ITGB3BP: variants seen among roughly 807,000 people sequenced by gnomAD.
ITGB3BP encodes integrin subunit beta 3 binding protein, also known as centromere protein R.
In ITGB3BP, 27 loss-of-function variants were observed where a neutral mutation model predicts 29.1. That is an observed-to-expected ratio of 0.93 (90% CI 0.68 to 1.28). The LOEUF is 1.28. Ranked by LOEUF, ITGB3BP falls within the 50% of genes most tolerant of loss-of-function variation. The probability of loss-of-function intolerance (pLI) is 0.00; values close to 1 mark genes in which losing one functional copy is unlikely to be tolerated. For synonymous variants in ITGB3BP, 61 were observed against 61.4 expected (o/e 0.99, Z 0.03); for missense variants, 192 against 200.2 (o/e 0.96, Z 0.25).
At chr1:63,503,392 T>C (rs1335424272) in intron 2 of ITGB3BP, among the ~76,000 whole-genome samples, 1 of 152,012 alleles carries the variant, frequency 6.6e-6, no homozygotes, top group East Asian at 1.9e-4. Flanking sequence ...TTTGAGTTCA[T>C]TGTAGATTCT....
At chr1:63,472,990 G>T (rs1334547371) in intron 4 of ITGB3BP, among the ~76,000 whole-genome samples, 1 of 151,490 alleles carries the variant, frequency 6.6e-6, no homozygotes, top group Non-Finnish European at 1.5e-5. Flanking sequence ...GGAAAGTGAG[G>T]AGCGTCTCTG....
chr1:63,475,652 A>T (rs1263953688), intron 4 of ITGB3BP, among the ~76,000 whole-genome samples: 1 of 152,204 alleles, frequency 6.6e-6, no homozygotes. Context: ...AAAGATAAAA[A>T]TGGCTTTATT....
chr1:63,502,783 C>T (rs553010438), intron 2 of ITGB3BP, among the ~76,000 whole-genome samples: 13 of 150,948 alleles, frequency 8.6e-5, no homozygotes, highest in African/African-American at 1.9e-4. Flanking sequence ...TTTGTCCTTG[C>T]GATATTTGCT....
At chr1:63,469,779 G>C (rs1645163867) in intron 4 of ITGB3BP, among the ~76,000 whole-genome samples, 1 of 152,224 alleles carries the variant, frequency 6.6e-6, no homozygotes, top group African/African-American at 2.4e-5. Flanking sequence ...AAAATTGCTG[G>C]TGTTGTTCAA....
At chr1:63,447,621 G>A in intron 7 of ITGB3BP, 2 of 494,910 alleles carry the variant, frequency 4.0e-6, no homozygotes, top group Admixed American at 2.1e-5. Flanking sequence ...TGACCTTAAA[G>A]GATGAGCAGG....
intron 2 of ITGB3BP, among the ~76,000 whole-genome samples, chr1:63,492,442 C>G (rs1037017958): frequency 6.6e-6 from 1 of 152,120 alleles, no homozygotes; most frequent in Admixed American, 6.5e-5. Flanking sequence ...CCCTACTTCC[C>G]TAAGTTTTCT....
At chr1:63,516,185 G>A (rs1191977478) in intron 1 of ITGB3BP, among the ~76,000 whole-genome samples, 1 of 151,152 alleles carries the variant, frequency 6.6e-6, no homozygotes, top group Non-Finnish European at 1.5e-5. Context: ...CACTTTGGGA[G>A]GCTGAGCTGA....
chr1:63,513,941 C>A (rs182435922), intron 1 of ITGB3BP, among the ~76,000 whole-genome samples: 3 of 152,238 alleles, frequency 2.0e-5, no homozygotes, highest in African/African-American at 4.8e-5. Flanking sequence ...TGTATAGATG[C>A]GAGTTTTAAC....
At chr1:63,485,060 C>T (rs923844416) in intron 3 of ITGB3BP, among the ~76,000 whole-genome samples, 1 of 151,892 alleles carries the variant, frequency 6.6e-6, no homozygotes, top group Admixed American at 6.6e-5. Context: ...CTAGTATTTG[C>T]TTTGTTTTCT....
chr1:63,468,395 T>C (rs965451206), intron 4 of ITGB3BP, among the ~76,000 whole-genome samples: 1 of 152,122 alleles, frequency 6.6e-6, no homozygotes, highest in Non-Finnish European at 1.5e-5. Context: ...CAAAATAAGA[T>C]AGTAAACCAT....
chr1:63,525,726 GA>G (rs1646577348), upstream of ITGB3BP: 1 of 1,571,122 alleles, frequency 6.4e-7, no homozygotes, highest in African/African-American at 1.4e-5. Context: ...AAGCAGCTTG[GA>G]AAACATTATT....
chr1:63,517,815 C>T (rs558729618), intron 1 of ITGB3BP, among the ~76,000 whole-genome samples: 2 of 152,214 alleles, frequency 1.3e-5, no homozygotes, highest in Admixed American at 6.6e-5. Flanking sequence ...TTGACTTCCT[C>T]GGCTCAAGTG....
intron 2 of ITGB3BP, among the ~76,000 whole-genome samples, chr1:63,492,524 ATCTGAGAATTTCCATTC>A (rs1478092856): frequency 2.0e-5 from 3 of 152,140 alleles, no homozygotes; most frequent in Non-Finnish European, 4.4e-5. Flanking sequence ...CCTAGAATCC[ATCTGAGAATTTCCATTC>A]TGCCAACTCC....
intron 4 of ITGB3BP, among the ~76,000 whole-genome samples, chr1:63,464,551 T>C (rs1255343311): frequency 6.6e-6 from 1 of 152,182 alleles, no homozygotes; most frequent in Non-Finnish European, 1.5e-5. Context: ...ATAGATATGA[T>C]GGAGTTAGAA....
chr1:63,514,944 CAAAAAAAAAA>C (rs55738892), intron 1 of ITGB3BP, among the ~76,000 whole-genome samples: 1 of 117,110 alleles, frequency 8.5e-6, no homozygotes, highest in African/African-American at 3.2e-5. Context: ...GACTCTGTCT[CAAAAAAAAAA>C]AAAAAAAAAA....
Position 63,446,855 on chromosome 1 carries a change from T to G in ITGB3BP, c.486A>C (p.Ala162=). 1 of 1,608,744 alleles carries G rather than the reference T, an allele frequency of 6.2e-7. No individual in the cohort carries two copies. The highest frequency in any genetic ancestry group is 1.1e-5 in the South Asian group (1 of 90,728). The change falls in exon 8 of 9, where the codon GCA becomes GCC. Residue 162 remains alanine (A), a splice_region_variant and synonymous_variant. Transcript: ENST00000271002. ...ATTCATAGCTGTCAAGATGACGTGA[T>G]GCTATATGAAAGAAGAAAGGTTTTT... is the stretch of plus-strand genomic sequence containing the variant. ...FEKSTGLPHK[A]SRHLDSYEFL... is the part of the protein sequence containing the mutation.
intron 1 of ITGB3BP, 151 bp from the exon 2 acceptor site, chr1:63,508,721 C>A: frequency 2.1e-6 from 1 of 471,208 alleles, no homozygotes; most frequent in Non-Finnish European, 3.8e-6. Context: ...ATGAAGAAAG[C>A]AATTATTTAT....
intron 4 of ITGB3BP, among the ~76,000 whole-genome samples, chr1:63,459,033 C>G (rs1644975568): frequency 6.6e-6 from 1 of 151,924 alleles, no homozygotes; most frequent in Non-Finnish European, 1.5e-5. Context: ...CCTGGATGTC[C>G]CTATTTGTTT....
chr1:63,516,926 G>T (rs1026084100), intron 1 of ITGB3BP, among the ~76,000 whole-genome samples: 1 of 151,804 alleles, frequency 6.6e-6, no homozygotes, highest in Admixed American at 6.6e-5. Flanking sequence ...GCACCTACGA[G>T]CTCAAACCTC....
Sources: gnomAD v4.1 joint callset for allele counts (sites outside exome capture counted in the v4.1 genomes callset) on GRCh38, gnomAD v4.1.1 for gene constraint, MANE v1.5 for transcripts, NCBI Gene and HGNC (gene_info 2026-07-23, HGNC 2026-07-21) for gene names.